Variants in SHISA9 observed in about 807,000 individuals in gnomAD.
SHISA9 encodes the protein protein shisa-9.
A neutral mutation model predicts 38.0 loss-of-function variants in SHISA9; 13 were observed. The observed-to-expected ratio is 0.34, with a 90% CI of 0.22 to 0.54. The LOEUF (loss-of-function observed/expected upper bound fraction) is 0.54. SHISA9 is among the 20% of genes least tolerant of loss of function. The pLI is 0.91. For synonymous variants in SHISA9, 275 were observed against 242.0 expected (o/e 1.14, Z -1.27); for missense variants, 538 against 575.8 (o/e 0.93, Z 0.67).
At chr16:13,023,353 C>G (rs1217216334) in intron 2 of SHISA9, among the ~76,000 whole-genome samples, 4 of 152,196 alleles carry the variant, frequency 2.6e-5, no homozygotes, top group African/African-American at 9.6e-5. Context: ...ATGAACTCAT[C>G]CTTTTTTATG....
intron 2 of SHISA9, among the ~76,000 whole-genome samples, chr16:13,097,249 G>A (rs1301054046): frequency 6.6e-6 from 1 of 152,082 alleles, no homozygotes; most frequent in African/African-American, 2.4e-5. Flanking sequence ...GAAGGGAAGG[G>A]AATTTCCCAA....
At chr16:13,307,867 A>G in the SHISA9 span, among the ~76,000 whole-genome samples, 2 of 152,228 alleles carry the variant, frequency 1.3e-5, no homozygotes, top group African/African-American at 4.8e-5. Context: ...AGGAAAATTT[A>G]GATGTGTTCA....
At chr16:13,120,398 A>T (rs1213101268) in intron 2 of SHISA9, among the ~76,000 whole-genome samples, 2 of 152,158 alleles carry the variant, frequency 1.3e-5, no homozygotes, top group East Asian at 1.9e-4. Context: ...AAAAGGATGA[A>T]GCTGGTGACC....
chr16:13,421,352 C>T, the SHISA9 span, among the ~76,000 whole-genome samples: 2 of 152,206 alleles, frequency 1.3e-5, no homozygotes, highest in African/African-American at 2.4e-5. Context: ...TTCCACATGG[C>T]TGAGGAGTCC....
intron 2 of SHISA9, among the ~76,000 whole-genome samples, chr16:13,166,227 C>A (rs1218558215): frequency 6.6e-6 from 1 of 152,196 alleles, no homozygotes; most frequent in Non-Finnish European, 1.5e-5. Flanking sequence ...CAACGTCAGA[C>A]TTCTAAGAGT....
chr16:13,265,390 C>T, the SHISA9 span, among the ~76,000 whole-genome samples: 1 of 103,490 alleles, frequency 9.7e-6, no homozygotes, highest in African/African-American at 3.8e-5. Flanking sequence ...TCCCTCCCTT[C>T]CTCTCCTCTC....
chr16:12,922,708 T>A (rs768729566), intron 2 of SHISA9, among the ~76,000 whole-genome samples: 2 of 152,104 alleles, frequency 1.3e-5, no homozygotes, highest in African/African-American at 4.8e-5. Flanking sequence ...TTAATAGAGA[T>A]GGAATGTCAC....
intron 2 of SHISA9, among the ~76,000 whole-genome samples, chr16:12,930,322 C>T (rs545248557): frequency 6.6e-6 from 1 of 152,178 alleles, no homozygotes; most frequent in Non-Finnish European, 1.5e-5. Context: ...TGGACTAAAC[C>T]TTCAGTGCTG....
chr16:13,160,618 T>C (rs918148873), intron 2 of SHISA9, among the ~76,000 whole-genome samples: 11 of 152,206 alleles, frequency 7.2e-5, no homozygotes, highest in Admixed American at 3.3e-4. Flanking sequence ...AACCTAAGTA[T>C]GGTGCGTGAG....
the SHISA9 span, among the ~76,000 whole-genome samples, chr16:13,500,287 A>C: frequency 1.3e-5 from 2 of 152,126 alleles, no homozygotes; most frequent in Non-Finnish European, 1.5e-5. Context: ...CATGATTTTA[A>C]GTTTCCTGAA....
At chr16:12,908,567 A>G in intron 1 of SHISA9, 1 of 1,551,784 alleles carries the variant, frequency 6.4e-7, no homozygotes, top group Non-Finnish European at 8.7e-7. Flanking sequence ...CGGACTTCAA[A>G]CCTGGACAGT....
At chr16:13,368,813 T>C in the SHISA9 span, among the ~76,000 whole-genome samples, 895 of 151,908 alleles carry the variant, frequency 5.9e-3, 13 homozygotes, top group African/African-American at 0.021. Context: ...GACTTCAAAA[T>C]ACAGAAGGAA....
the SHISA9 span, among the ~76,000 whole-genome samples, chr16:13,531,095 T>C: frequency 2.6e-5 from 4 of 152,292 alleles, no homozygotes; most frequent in East Asian, 5.8e-4. Flanking sequence ...TCAACCTCCA[T>C]TGAAACTTGC....
At chr16:12,913,640 A>T (rs974955917) in intron 1 of SHISA9, among the ~76,000 whole-genome samples, 7 of 152,218 alleles carry the variant, frequency 4.6e-5, no homozygotes, top group African/African-American at 1.7e-4. Context: ...TTACAAAAAA[A>T]ATCCATATCC....
At chr16:13,434,419 G>GGTTTTTTTTTTTTTTTTTTTT in the SHISA9 span, among the ~76,000 whole-genome samples, 1 of 64,566 alleles carries the variant, frequency 1.5e-5, no homozygotes, top group Non-Finnish European at 3.2e-5. Flanking sequence ...GACAAGCTAT[G>GGTTTTTTTTTTTTTTTTTTTT]TTTTTTTTTT....
At chr16:13,463,782 A>T in the SHISA9 span, among the ~76,000 whole-genome samples, 1 of 152,192 alleles carries the variant, frequency 6.6e-6, no homozygotes, top group Non-Finnish European at 1.5e-5. Flanking sequence ...CAAAGAATTG[A>T]TTCCCGTGTC....
chr16:13,133,670 C>A (rs2050324132), intron 2 of SHISA9, among the ~76,000 whole-genome samples: 1 of 152,166 alleles, frequency 6.6e-6, no homozygotes, highest in African/African-American at 2.4e-5. Flanking sequence ...GCCCACATTA[C>A]CCAAGGGAAG....
At chr16:12,977,813 A>T (rs2072184898) in intron 2 of SHISA9, among the ~76,000 whole-genome samples, 1 of 151,960 alleles carries the variant, frequency 6.6e-6, no homozygotes, top group South Asian at 2.1e-4. Flanking sequence ...ACTGAGGCCT[A>T]TTGAGGGTGG....
intron 4 of SHISA9, among the ~76,000 whole-genome samples, chr16:13,216,916 G>A (rs1296006141): frequency 2.0e-5 from 3 of 151,998 alleles, no homozygotes; most frequent in East Asian, 1.9e-4. Flanking sequence ...ATCCACCCAC[G>A]CCCAGCCTTG....
Sources: gnomAD v4.1 joint callset for allele counts (sites outside exome capture counted in the v4.1 genomes callset) on GRCh38, gnomAD v4.1.1 for gene constraint, MANE v1.5 for transcripts, NCBI Gene and HGNC (gene_info 2026-07-23, HGNC 2026-07-21) for gene names.